The following MMP26 variants were observed in gnomAD, a reference collection of about 807,000 sequenced individuals.
MMP26 encodes the protein matrix metallopeptidase 26.
Under a neutral mutation model 31.0 loss-of-function variants are expected in MMP26, and 33 were observed. The observed-to-expected ratio is 1.06, with a 90% confidence interval of 0.81 to 1.42. MMP26 has a LOEUF of 1.42. Among genes scored for constraint, MMP26 ranks in the 40% most tolerant of loss-of-function variants. MMP26 has a pLI of 0.00. For synonymous variants in MMP26, 122 were observed against 114.9 expected, an observed-to-expected ratio of 1.06 and a Z score of -0.40; for missense variants, 347 against 316.1, an observed-to-expected ratio of 1.10 and a Z score of -0.74.
At chr11:4,853,436 T>C (rs892325780) in intron 2 of MMP26, among the ~76,000 whole-genome samples, 2 of 151,996 alleles carry the variant, frequency 1.3e-5, no homozygotes, top group Non-Finnish European at 2.9e-5. Context: ...ACAGGTGACA[T>C]AATTAAAGAT....
intron 1 of MMP26, among the ~76,000 whole-genome samples, chr11:4,734,636 T>G (rs1415513872): frequency 2.6e-5 from 4 of 152,042 alleles, no homozygotes; most frequent in Non-Finnish European, 5.9e-5. Context: ...ATTTTTTTTA[T>G]GACCCGTGGG....
chr11:4,837,953 A>T (rs1849740839), intron 2 of MMP26, among the ~76,000 whole-genome samples: 1 of 149,580 alleles, frequency 6.7e-6, no homozygotes. Flanking sequence ...ATTCATAAAA[A>T]TTTTAAAATA....
chr11:4,908,036 A>G, intron 2 of MMP26: 2 of 1,614,116 alleles, frequency 1.2e-6, no homozygotes, highest in Middle Eastern at 1.6e-4. Context: ...GATCTTGAAG[A>G]CTATACTCAG....
chr11:4,822,307 G>C (rs745490017), intron 2 of MMP26: 1 of 1,520,792 alleles, frequency 6.6e-7, no homozygotes, highest in South Asian at 1.3e-5. Flanking sequence ...TATTTACAGT[G>C]TAAAGATTAA....
chr11:4,842,502 G>A (rs766206298), intron 2 of MMP26, among the ~76,000 whole-genome samples: 7 of 152,212 alleles, frequency 4.6e-5, no homozygotes, highest in Non-Finnish European at 8.8e-5. Context: ...TGACGGGAGA[G>A]AGACAGAGTG....
intron 1 of MMP26, among the ~76,000 whole-genome samples, chr11:4,741,503 A>G (rs535774443): frequency 3.0e-4 from 45 of 152,314 alleles, no homozygotes; most frequent in African/African-American, 1.1e-3. Flanking sequence ...TTGCAGGGAC[A>G]TGGATGAAGC....
At chr11:4,799,663 T>C (rs962361609) in intron 2 of MMP26, among the ~76,000 whole-genome samples, 4 of 152,084 alleles carry the variant, frequency 2.6e-5, no homozygotes, top group Non-Finnish European at 5.9e-5. Flanking sequence ...CAGCAACAAG[T>C]CCAAAGTCCT....
rs146307648 is a variant in MMP26, at chr11:4,882,588, T to C, written c.-144-105480T>C. On this transcript the variant is annotated intron_variant, in intron 2 of 7. Transcript: ENST00000380390. ...CTGATCCTCCGTACTGTTCTGGGCATTGTGGCCCGAAAGAAGCAACAAAAA... is the reference window on the plus strand; with the variant it reads ...CTGATCCTCCGTACTGTTCTGGGCACTGTGGCCCGAAAGAAGCAACAAAAA... The C allele has an allele frequency of 2.2e-5, 36 of 1,613,828 alleles. No homozygotes were observed. Among genetic ancestry groups the C allele is most frequent in the Admixed American group, 6.7e-5 (4 of 59,956 alleles).
intron 1 of MMP26, chr11:4,752,354 T>G (rs1848456580): frequency 6.6e-6 from 1 of 152,294 alleles, no homozygotes; most frequent in South Asian, 2.1e-4. Flanking sequence ...TGGAGTCCAC[T>G]CCGGCAGTAG....
chr11:4,819,566 ATTTTTTTTTTTTTTT>A (rs71050433), intron 2 of MMP26, among the ~76,000 whole-genome samples: 6 of 50,302 alleles, frequency 1.2e-4, no homozygotes, highest in Admixed American at 1.0e-3. Flanking sequence ...GAGTCGACTG[ATTTTTTTTTTTTTTT>A]TTTTTTTTTT....
intron 1 of MMP26, among the ~76,000 whole-genome samples, chr11:4,715,479 TC>T (rs1847917676): frequency 3.3e-5 from 5 of 152,226 alleles, no homozygotes; most frequent in Admixed American, 3.3e-4. Flanking sequence ...AAATAGTGGA[TC>T]TAAAATTTTT....
intron 2 of MMP26, among the ~76,000 whole-genome samples, chr11:4,959,055 G>A (rs906959163): frequency 7.2e-5 from 11 of 151,946 alleles, no homozygotes; most frequent in Non-Finnish European, 1.5e-4. Flanking sequence ...TGGCTAACAC[G>A]GTGAAACCCA....
chr11:4,839,838 A>C lies in MMP26; in HGVS notation c.-145+72497A>C, dbSNP rs530031609. Among the ~76,000 whole-genome samples, 4 of 151,926 alleles carry C rather than the reference A, an allele frequency of 2.6e-5. No individual in the cohort carries two copies. In the South Asian group the frequency reaches 8.3e-4, roughly 32 times the overall value. On this transcript the variant is annotated intron_variant, in intron 2 of 7. Coordinates refer to ENST00000380390, the MANE Select transcript of MMP26 (RefSeq NM_021801.5). Reference sequence around the variant, plus strand: ...GAGGACTTTCTCTTGCACCGTAGGTACCAGCACAACCACAGGGGTGTAGAG... The same window carrying C: ...GAGGACTTTCTCTTGCACCGTAGGTCCCAGCACAACCACAGGGGTGTAGAG...
At chr11:4,938,893 T>C (rs1279574946) in intron 2 of MMP26, among the ~76,000 whole-genome samples, 1 of 152,118 alleles carries the variant, frequency 6.6e-6, no homozygotes, top group Non-Finnish European at 1.5e-5. Flanking sequence ...CCTTCCTGTA[T>C]AGAAGGTAGT....
rs1164617179 is a variant in MMP26, at chr11:4,781,415, C to T, written c.-145+14074C>T. On this transcript the variant is annotated intron_variant, in intron 2 of 7. Coordinates refer to ENST00000380390, the MANE Select transcript of MMP26 (RefSeq NM_021801.5). ...ACAAAAAATTAGCCGGGCGCGGTGG[C>T]GGGCGCCTGTAGTCCCAGCTACTCG... 1.8e-4 allele frequency among the ~76,000 whole-genome samples: 17 copies of T among 93,896 alleles called. 3 individuals are homozygous for T. Among genetic ancestry groups the T allele is most frequent in the Non-Finnish European group, 3.1e-4 (15 of 47,906 alleles). 61.6% of individuals were successfully genotyped at this position (93,896 alleles called of 152,430 possible).
At chr11:4,723,884 T>C in intron 1 of MMP26, 1 of 1,169,492 alleles carries the variant, frequency 8.6e-7, no homozygotes, top group East Asian at 2.3e-5. Context: ...CTGTTGAGGG[T>C]CTTGATCTGC....
At chr11:4,721,136 T>C (rs1416179247) in intron 1 of MMP26, among the ~76,000 whole-genome samples, 3 of 152,104 alleles carry the variant, frequency 2.0e-5, no homozygotes, top group Non-Finnish European at 2.9e-5. Context: ...AGCCTTCTTA[T>C]CAAAAGCAGA....
intron 2 of MMP26, among the ~76,000 whole-genome samples, chr11:4,808,557 T>A (rs1849308586): frequency 6.6e-6 from 1 of 151,978 alleles, no homozygotes; most frequent in African/African-American, 2.4e-5. Context: ...GCACCCTCCT[T>A]AGGAAGTGAT....
intron 1 of MMP26, among the ~76,000 whole-genome samples, chr11:4,744,203 C>T (rs560913060): frequency 1.3e-5 from 2 of 152,178 alleles, no homozygotes; most frequent in African/African-American, 2.4e-5. Context: ...ACCGTATTTC[C>T]TTGATTTTTT....
Sources: gnomAD v4.1 joint callset for allele counts (sites outside exome capture counted in the v4.1 genomes callset) on GRCh38, gnomAD v4.1.1 for gene constraint, MANE v1.5 for transcripts, NCBI Gene and HGNC (gene_info 2026-07-23, HGNC 2026-07-21) for gene names.